Variants in ADAM2 observed in about 807,000 individuals in gnomAD.
The protein encoded by ADAM2 is ADAM metallopeptidase domain 2, also known as disintegrin and metalloproteinase domain-containing protein 2.
ADAM2 carries 101 observed loss-of-function variants against 99.3 expected under a neutral mutation model. That is an observed-to-expected ratio of 1.02 (90% CI 0.87 to 1.20). The LOEUF (loss-of-function observed/expected upper bound fraction) is 1.20, where lower values mean the gene tolerates loss of function less well. ADAM2 is among the 50% of genes most tolerant of loss of function. The pLI is 0.00. For synonymous variants in ADAM2, 323 were observed against 287.6 expected, an observed-to-expected ratio of 1.12 and a Z score of -1.25; for missense variants, 948 against 878.7, an observed-to-expected ratio of 1.08 and a Z score of -1.00.
intron 15 of ADAM2, among the ~76,000 whole-genome samples, chr8:39,757,026 T>C (rs1210463360): frequency 6.6e-6 from 1 of 152,220 alleles, no homozygotes; most frequent in Non-Finnish European, 1.5e-5. Context: ...TAGTCTTCCC[T>C]CTTCATATAT....
chr8:39,824,508 G>C (rs143791705), intron 4 of ADAM2, among the ~76,000 whole-genome samples: 1 of 152,008 alleles, frequency 6.6e-6, no homozygotes, highest in Non-Finnish European at 1.5e-5. Flanking sequence ...CTCAGATTTA[G>C]CTTTCCTGAT....
chr8:39,826,239 G>A (rs1017746937), intron 3 of ADAM2, among the ~76,000 whole-genome samples: 2 of 152,058 alleles, frequency 1.3e-5, no homozygotes, highest in African/African-American at 2.4e-5. Context: ...TATAAAAATA[G>A]ATATATAGAC....
intron 12 of ADAM2, among the ~76,000 whole-genome samples, chr8:39,768,108 C>G (rs1802639910): frequency 1.3e-5 from 2 of 151,962 alleles, no homozygotes; most frequent in African/African-American, 4.8e-5. Flanking sequence ...TCATTGCTAT[C>G]TACTGTAATT....
rs539297436 is a variant in ADAM2, at chr8:39,801,223, C to T, written c.570+8187G>A. On this transcript the variant is annotated intron_variant, in intron 7 of 20. Transcript: ENST00000265708. The stretch of plus-strand genomic sequence containing the variant: ...TTGTGGGGGCCTTTTGTTGTTGATG[C>T]TGTTGTTGCCACTTTCGGCTTGTTT... Among the ~76,000 whole-genome samples the T allele has an allele frequency of 2.0e-5, 3 of 152,264 alleles. 1 individual carries two copies. The South Asian group carries it at 6.2e-4, about 32-fold the overall frequency.
chr8:39,806,225 C>T (rs1804433014), intron 7 of ADAM2, among the ~76,000 whole-genome samples: 1 of 151,568 alleles, frequency 6.6e-6, no homozygotes, highest in South Asian at 2.1e-4. Flanking sequence ...CAAGGACAAC[C>T]ACTAGGAATC....
chr8:39,821,601 G>A lies in ADAM2; in HGVS notation c.329C>T (p.Thr110Ile). The A allele has an allele frequency of 6.2e-7, 1 of 1,603,330 alleles. No homozygotes were observed. The change falls in exon 5 of 21, where the codon ACA becomes ATA. Residue 110 changes from threonine (T) to isoleucine (I), a missense_variant. Physicochemically the swap from Thr to Ile is moderately conservative, Grantham distance 89. Coordinates refer to ENST00000265708, the MANE Select transcript of ADAM2 (RefSeq NM_001464.5). ...GYPKSVVMVS[T>I]CTGLRGVLQF... ...AAATTACAACCTGAGTCCAGTACAT[G>A]TGCTAACCATCACCACAGATTTTGG... is the stretch of plus-strand genomic sequence containing the variant.
intron 15 of ADAM2, 134 bp from the exon 16 acceptor site, chr8:39,756,045 C>A (rs556087572): frequency 2.1e-6 from 1 of 485,320 alleles, no homozygotes; most frequent in Non-Finnish European, 3.5e-6. Flanking sequence ...TTTAAAACAC[C>A]AAAAAAAGAG....
intron 3 of ADAM2, among the ~76,000 whole-genome samples, chr8:39,831,609 G>T (rs1470398879): frequency 1.3e-5 from 2 of 152,038 alleles, no homozygotes; most frequent in African/African-American, 4.8e-5. Context: ...GAGATAAAAA[G>T]CCATAAAAGA....
At chr8:39,829,785 A>G (rs562997418) in intron 3 of ADAM2, among the ~76,000 whole-genome samples, 2 of 152,218 alleles carry the variant, frequency 1.3e-5, no homozygotes, top group South Asian at 2.1e-4. Flanking sequence ...ATTGGATGCT[A>G]TACAGTAATA....
At chr8:39,803,282 T>C (rs1804292296) in intron 7 of ADAM2, among the ~76,000 whole-genome samples, 1 of 152,206 alleles carries the variant, frequency 6.6e-6, no homozygotes, top group Non-Finnish European at 1.5e-5. Flanking sequence ...TCACTCATAC[T>C]AAAAATCCAC....
At chr8:39,754,716 C>T (rs764173971) in intron 16 of ADAM2, among the ~76,000 whole-genome samples, 1 of 152,062 alleles carries the variant, frequency 6.6e-6, no homozygotes, top group South Asian at 2.1e-4. Context: ...CAATAAGGGG[C>T]TTACTGTATT....
intron 11 of ADAM2, among the ~76,000 whole-genome samples, chr8:39,770,357 G>T (rs1277006618): frequency 6.6e-6 from 1 of 152,222 alleles, no homozygotes; most frequent in East Asian, 1.9e-4. Context: ...TTTCTCTGGC[G>T]TTATCACCTG....
intron 7 of ADAM2, among the ~76,000 whole-genome samples, chr8:39,803,093 A>C (rs1201367216): frequency 1.3e-5 from 2 of 152,214 alleles, no homozygotes; most frequent in African/African-American, 4.8e-5. Flanking sequence ...AACAGAAAAG[A>C]TCGACCATGG....
At chr8:39,788,576 CACA>C (rs1803571961) in intron 8 of ADAM2, 90 bp downstream of exon 8, 2 of 844,142 alleles carry the variant, frequency 2.4e-6, no homozygotes, top group Non-Finnish European at 3.6e-6. Flanking sequence ...CCTTATGCCA[CACA>C]ACGTGTGGAT....
rs1421998163 is a variant in ADAM2 at position 39,838,223 on chromosome 8, T to G, written c.-38A>C. The G allele has an allele frequency of 6.2e-7, 1 of 1,612,986 alleles. No homozygotes were observed. The highest frequency in any genetic ancestry group is 1.1e-5 in the South Asian group (1 of 91,042). The stretch of plus-strand genomic sequence containing the variant: ...TGGGTCCCAGCCGGAATAATGGCAG[T>G]TGGTGGTTACAGGGCAGTTGGAAGC... On this transcript the variant is annotated 5_prime_UTR_variant, in exon 1 of 21. Transcript: ENST00000265708.
chr8:39,832,473 C>A (rs1406982400), intron 3 of ADAM2, among the ~76,000 whole-genome samples: 1 of 152,164 alleles, frequency 6.6e-6, no homozygotes, highest in Admixed American at 6.5e-5. Flanking sequence ...TAATATTATA[C>A]ACTTTATTCT....
rs562717118 is a variant in ADAM2 at position 39,746,756 on chromosome 8, A to C, written c.2015-125T>G. 6.6e-6 allele frequency: 5 copies of C among 760,436 alleles called. No homozygotes were observed. In the East Asian group the frequency reaches 1.2e-4, roughly 18 times the overall value. 47.1% of individuals were successfully genotyped at this position (760,436 alleles called of 1,614,324 possible). On this transcript the variant is annotated intron_variant, in intron 18 of 20. Coordinates refer to ENST00000265708, the MANE Select transcript of ADAM2 (RefSeq NM_001464.5). ...AATTTAATAATTTAAAAATTAACAT[A>C]TTTTCTATGAAATAGATAACTTGAA...
At chr8:39,789,994 A>G (rs1803635648) in intron 7 of ADAM2, among the ~76,000 whole-genome samples, 1 of 151,926 alleles carries the variant, frequency 6.6e-6, no homozygotes, top group Non-Finnish European at 1.5e-5. Flanking sequence ...AGAGAAACAA[A>G]TTCACATCCA....
At chr8:39,818,061 T>C (rs1805026570) in intron 6 of ADAM2, 1 of 151,976 alleles carries the variant, frequency 6.6e-6, no homozygotes, top group Admixed American at 6.6e-5. Context: ...GAGACAACAC[T>C]TCCCAACTCA....
Sources: allele counts gnomAD v4.1 joint callset (sites outside exome capture counted in the v4.1 genomes callset), GRCh38; gene constraint gnomAD v4.1.1; transcripts MANE v1.5; gene names NCBI Gene and HGNC (gene_info 2026-07-23, HGNC 2026-07-21).